The following CSMD1 variants were observed in gnomAD, a reference collection of about 807,000 sequenced individuals.
The protein encoded by CSMD1 is CUB and sushi domain-containing protein 1.
In CSMD1, 213 loss-of-function variants were observed where a neutral mutation model predicts 417.5. The ratio of observed to expected loss-of-function variants is 0.51; its 90% CI spans 0.46 to 0.57. The LOEUF (loss-of-function observed/expected upper bound fraction) is 0.57, where lower values mean the gene tolerates loss of function less well. CSMD1 is among the 20% of genes least tolerant of loss of function. The pLI, the probability that CSMD1 is intolerant of heterozygous loss-of-function variation, is 0.00. For synonymous variants in CSMD1, 2,862 were observed against 1,736.8 expected (o/e 1.65, Z -16.11); for missense variants, 6,923 against 4,529.7 (o/e 1.53, Z -15.17).
intron 3 of CSMD1, among the ~76,000 whole-genome samples, chr8:4,073,384 A>G (rs371730009): frequency 1.3e-5 from 2 of 152,236 alleles, no homozygotes; most frequent in African/African-American, 4.8e-5. Context: ...TAATGAAGCT[A>G]AAAAAAGTAA....
chr8:4,989,380 A>G (rs958944621), intron 1 of CSMD1, among the ~76,000 whole-genome samples: 3 of 152,204 alleles, frequency 2.0e-5, no homozygotes, highest in African/African-American at 4.8e-5. Flanking sequence ...CCAAGTTCCT[A>G]CTTTCCTATC....
intron 30 of CSMD1, among the ~76,000 whole-genome samples, chr8:3,209,652 C>T (rs986644193): frequency 2.0e-5 from 3 of 152,152 alleles, no homozygotes; most frequent in African/African-American, 7.2e-5. Flanking sequence ...GTCTGCATTA[C>T]TGTGCTAATC....
intron 2 of CSMD1, among the ~76,000 whole-genome samples, chr8:4,426,605 A>G (rs1026790072): frequency 2.9e-5 from 3 of 104,894 alleles, no homozygotes; most frequent in Admixed American, 1.1e-4. Flanking sequence ...TATATATACT[A>G]TAAATTATAT....
chr8:3,036,965 C>T (rs1810721284), intron 50 of CSMD1, among the ~76,000 whole-genome samples: 1 of 152,164 alleles, frequency 6.6e-6, no homozygotes, highest in African/African-American at 2.4e-5. Flanking sequence ...TTATCCCTCA[C>T]CCATCTTCCT....
At chr8:2,953,517 A>G (rs938798626) in intron 65 of CSMD1, among the ~76,000 whole-genome samples, 17 of 151,818 alleles carry the variant, frequency 1.1e-4, no homozygotes, top group Non-Finnish European at 2.2e-4. Flanking sequence ...GATCTTATAT[A>G]TTTACAAAGG....
chr8:4,367,538 T>C (rs1802150533), intron 3 of CSMD1, among the ~76,000 whole-genome samples: 2 of 152,174 alleles, frequency 1.3e-5, no homozygotes, highest in Non-Finnish European at 2.9e-5. Context: ...CTTTAGCTAA[T>C]GTGGGGCTCT....
At chr8:4,367,755 C>G (rs1256241518) in intron 3 of CSMD1, among the ~76,000 whole-genome samples, 1 of 152,018 alleles carries the variant, frequency 6.6e-6, no homozygotes, top group Non-Finnish European at 1.5e-5. Context: ...TTTTGTAATT[C>G]TTGCTGTGGA....
At chr8:3,411,669 CGT>C (rs1244055112) in intron 12 of CSMD1, among the ~76,000 whole-genome samples, 8 of 102,262 alleles carry the variant, frequency 7.8e-5, no homozygotes, top group Admixed American at 6.8e-4. Context: ...TATATATATA[CGT>C]GTATATATAC....
chr8:3,771,058 T>C (rs1398681541), intron 5 of CSMD1, among the ~76,000 whole-genome samples: 5 of 152,072 alleles, frequency 3.3e-5, no homozygotes, highest in South Asian at 4.1e-4. Context: ...TTCATTTGCA[T>C]GTCTGTGGTG....
intron 68 of CSMD1, among the ~76,000 whole-genome samples, chr8:2,945,069 A>C (rs1250348444): frequency 1.3e-5 from 2 of 152,204 alleles, no homozygotes; most frequent in Non-Finnish European, 2.9e-5. Context: ...TGTTTTAATA[A>C]TTTGAAGGTT....
At chr8:3,999,322 A>G (rs920362310) in intron 4 of CSMD1, among the ~76,000 whole-genome samples, 2 of 152,168 alleles carry the variant, frequency 1.3e-5, no homozygotes, top group African/African-American at 4.8e-5. Flanking sequence ...GAGCTCTTAC[A>G]AAGTGCATAT....
intron 5 of CSMD1, among the ~76,000 whole-genome samples, chr8:3,861,729 C>T (rs868580127): frequency 3.9e-5 from 6 of 152,104 alleles, no homozygotes; most frequent in East Asian, 1.9e-4. Context: ...GTTTTGTCTG[C>T]TATAAAGATT....
chr8:4,801,385 G>A (rs1490440832), intron 1 of CSMD1, among the ~76,000 whole-genome samples: 1 of 152,014 alleles, frequency 6.6e-6, no homozygotes, highest in African/African-American at 2.4e-5. Flanking sequence ...CAGATTCAAA[G>A]TGAGAGACAC....
At chr8:4,449,220 G>C (rs540909130) in intron 2 of CSMD1, among the ~76,000 whole-genome samples, 2 of 152,242 alleles carry the variant, frequency 1.3e-5, no homozygotes, top group East Asian at 3.9e-4. Context: ...TATTTTCTCA[G>C]AATAATTACA....
chr8:4,428,907 GT>G lies in CSMD1; in HGVS notation c.303-8843del, dbSNP rs556052303. On this transcript the variant is annotated intron_variant, in intron 2 of 69. Coordinates refer to ENST00000635120, the MANE Select transcript of CSMD1 (RefSeq NM_033225.6). The stretch of plus-strand genomic sequence containing the variant: ...TTTTTGCATTTTTAACAGAGACAGG[GT>G]TTCACCATTTGGCCAGGCTGGTCTC... 2.1e-3 allele frequency among the ~76,000 whole-genome samples: 324 copies of G among 152,028 alleles called. 3 individuals carry two copies. The highest frequency in any genetic ancestry group is 7.6e-3 in the African/African-American group (317 of 41,476).
intron 3 of CSMD1, among the ~76,000 whole-genome samples, chr8:4,240,789 C>A (rs1235077913): frequency 1.3e-5 from 2 of 152,122 alleles, no homozygotes; most frequent in Non-Finnish European, 2.9e-5. Context: ...AAGTGACAGC[C>A]AAAAATATCC....
At chr8:4,206,836 G>C (rs941485564) in intron 3 of CSMD1, among the ~76,000 whole-genome samples, 1 of 152,080 alleles carries the variant, frequency 6.6e-6, no homozygotes, top group Non-Finnish European at 1.5e-5. Context: ...TGATTATTTT[G>C]TGGGCTCCTA....
intron 5 of CSMD1, among the ~76,000 whole-genome samples, chr8:3,837,586 G>C (rs1409986971): frequency 6.6e-6 from 1 of 152,164 alleles, no homozygotes; most frequent in Non-Finnish European, 1.5e-5. Flanking sequence ...TGACTGACAA[G>C]TAAGTTTAGA....
At chr8:3,385,466 C>T (rs1810951324) in intron 18 of CSMD1, among the ~76,000 whole-genome samples, 3 of 151,852 alleles carry the variant, frequency 2.0e-5, no homozygotes, top group Admixed American at 6.6e-5. Flanking sequence ...TAAAAGTCAA[C>T]TATCTTCTCT....
Sources: gnomAD v4.1 joint callset for allele counts (sites outside exome capture counted in the v4.1 genomes callset) on GRCh38, gnomAD v4.1.1 for gene constraint, MANE v1.5 for transcripts, NCBI Gene and HGNC (gene_info 2026-07-23, HGNC 2026-07-21) for gene names.